The following HINT3 variants were observed in gnomAD, a reference collection of about 807,000 sequenced individuals.
HINT3 encodes the protein adenosine 5'-monophosphoramidase HINT3.
HINT3 carries 16 observed loss-of-function variants against 19.1 expected under a neutral mutation model. The observed-to-expected ratio is 0.84, with a 90% CI of 0.57 to 1.27. HINT3 has a LOEUF of 1.27. Ranked by LOEUF, HINT3 falls within the 50% of genes most tolerant of loss-of-function variation. HINT3 has a pLI of 0.00. For synonymous variants in HINT3, 75 were observed against 84.8 expected, an observed-to-expected ratio of 0.88 and a Z score of 0.63; for missense variants, 197 against 225.8, an observed-to-expected ratio of 0.87 and a Z score of 0.82.
chr6:125,967,108 G>A, intron 2 of HINT3, 104 bp downstream of exon 2: 1 of 646,146 alleles, frequency 1.5e-6, no homozygotes, highest in Non-Finnish European at 2.6e-6. Context: ...CTGTGAAAAA[G>A]GAGCATTATG....
intron 1 of HINT3, among the ~76,000 whole-genome samples, chr6:125,960,991 A>T (rs1316424277): frequency 3.3e-5 from 5 of 152,224 alleles, no homozygotes; most frequent in Admixed American, 2.6e-4. Context: ...AACTAATAGA[A>T]AATAGATACT....
At chr6:125,968,345 A>G (rs1192370349) in intron 2 of HINT3, among the ~76,000 whole-genome samples, 1 of 152,206 alleles carries the variant, frequency 6.6e-6, no homozygotes, top group East Asian at 1.9e-4. Context: ...AGATGACTTC[A>G]TTCTTTTTTA....
chr6:125,957,885 G>A (rs1318262596), intron 1 of HINT3, among the ~76,000 whole-genome samples: 1 of 152,138 alleles, frequency 6.6e-6, no homozygotes, highest in Non-Finnish European at 1.5e-5. Context: ...TGTGTCTTTT[G>A]TAGTAAACAT....
intron 3 of HINT3, among the ~76,000 whole-genome samples, chr6:125,974,138 G>A (rs80210510): frequency 0.024 from 3,673 of 152,244 alleles, 132 homozygotes; most frequent in African/African-American, 0.085. Flanking sequence ...TCTAGGCTTT[G>A]ATTATTGTTA....
At chr6:125,961,858 G>A (rs1290574890) in intron 1 of HINT3, among the ~76,000 whole-genome samples, 1 of 152,030 alleles carries the variant, frequency 6.6e-6, no homozygotes, top group Non-Finnish European at 1.5e-5. Flanking sequence ...GGGAAACCCA[G>A]CAAGGCCTGT....
chr6:125,972,823 C>T (rs1789127655), intron 3 of HINT3, among the ~76,000 whole-genome samples: 1 of 152,116 alleles, frequency 6.6e-6, no homozygotes, highest in Non-Finnish European at 1.5e-5. Flanking sequence ...CTCCTGGGCT[C>T]AAGTGATTCT....
intron 1 of HINT3, among the ~76,000 whole-genome samples, chr6:125,962,181 TATATAC>T (rs1788937308): frequency 3.6e-5 from 3 of 83,720 alleles, no homozygotes; most frequent in African/African-American, 2.1e-4. Flanking sequence ...TATATATATA[TATATAC>T]ACATATATAT....
In HINT3 at chr6:125,956,876, G is replaced by T. The variant is rs541182107; in HGVS notation, c.-102G>T. ...ATCACCGCCCAGCGTCAGGCGAGGG[G>T]CGACGTCTCGAGGTAAAACGGAGGA... On this transcript the variant is annotated 5_prime_UTR_variant, in exon 1 of 5. Coordinates refer to ENST00000229633, the MANE Select transcript of HINT3 (RefSeq NM_138571.5). 61 of 1,194,762 alleles carry T rather than the reference G, an allele frequency of 5.1e-5. No individual in the cohort carries two copies. The African/African-American group carries it at 8.8e-4, about 17-fold the overall frequency. 74.0% of individuals were successfully genotyped at this position (1,194,762 alleles called of 1,614,324 possible). A position where few individuals can be genotyped will look rare whatever the true frequency, so the allele number is the denominator to read the frequency against.
intron 3 of HINT3, among the ~76,000 whole-genome samples, chr6:125,974,470 A>G (rs1342826743): frequency 2.0e-5 from 3 of 152,234 alleles, no homozygotes; most frequent in Non-Finnish European, 2.9e-5. Context: ...AAGGAACACG[A>G]CTACTTGAGT....
At chr6:125,972,177 A>G in intron 2 of HINT3, 82 bp from the exon 3 acceptor site, 13 of 848,836 alleles carry the variant, frequency 1.5e-5, no homozygotes, top group South Asian at 1.3e-4. Flanking sequence ...TACCCATTTG[A>G]TAGGACAAGA....
In HINT3 at chr6:125,960,451, G is replaced by A. The variant is rs191971690; in HGVS notation, c.201+3273G>A. On this transcript the variant is annotated intron_variant, in intron 1 of 4. Coordinates refer to ENST00000229633, the MANE Select transcript of HINT3 (RefSeq NM_138571.5). The stretch of plus-strand genomic sequence containing the variant: ...AGGCAGGCGGATCACGAGGTCAGGA[G>A]TTCGAGACCAGCCTGGCCAATATGG... Among the ~76,000 whole-genome samples, 251 of 152,284 alleles carry A rather than the reference G, an allele frequency of 1.6e-3. 4 individuals carry two copies. In the East Asian group the frequency reaches 0.028, roughly 17 times the overall value.
At chr6:125,965,868 C>A (rs1414652525) in intron 1 of HINT3, among the ~76,000 whole-genome samples, 1 of 152,022 alleles carries the variant, frequency 6.6e-6, no homozygotes, top group Non-Finnish European at 1.5e-5. Context: ...GACAGAAAAA[C>A]CATAATAAAA....
At chr6:125,962,207 TATAC>T (rs1286486074) in intron 1 of HINT3, among the ~76,000 whole-genome samples, 1 of 25,000 alleles carries the variant, frequency 4.0e-5, no homozygotes, top group Admixed American at 4.9e-4. Context: ...TATATATATA[TATAC>T]ACATATATAT....
Position 125,974,906 on chromosome 6 carries a change from C to A in HINT3, c.449C>A (p.Ala150Glu), listed in dbSNP as rs1789159341. ...TCCCACTTGCACCTTCATGTTCTGG[C>A]ACCAGTGGATCAGCTTGGCTTCTTA... ...SISHLHLHVL[A>E]PVDQLGFLSK... The change falls in exon 4 of 5, where the codon GCA (alanine) becomes GAA (glutamate). Residue 150 changes from alanine to glutamate, a missense_variant. Transcript: ENST00000229633. 1 of 1,613,722 alleles carries A rather than the reference C, an allele frequency of 6.2e-7. No individual in the cohort carries two copies. Among genetic ancestry groups the A allele is most frequent in the African/African-American group, 1.3e-5 (1 of 74,916 alleles).
intron 1 of HINT3, among the ~76,000 whole-genome samples, chr6:125,965,892 A>G (rs913520299): frequency 2.0e-5 from 3 of 152,356 alleles, no homozygotes; most frequent in East Asian, 3.9e-4. Flanking sequence ...ATAGAAATGG[A>G]TTAAAATTGA....
chr6:125,973,065 C>T (rs899304608), intron 3 of HINT3, among the ~76,000 whole-genome samples: 25 of 74,474 alleles, frequency 3.4e-4, no homozygotes, highest in African/African-American at 8.0e-4. Flanking sequence ...AATTTTTCAA[C>T]TTTTTTTTTT....
At chr6:125,969,789 T>A (rs568485761) in intron 2 of HINT3, among the ~76,000 whole-genome samples, 1 of 152,242 alleles carries the variant, frequency 6.6e-6, no homozygotes, top group East Asian at 1.9e-4. Flanking sequence ...ACTGTCAGTT[T>A]GAGTGTTGTG....
chr6:125,962,303 TATATCACAC>T lies in HINT3; in HGVS notation c.202-4579_202-4571del, dbSNP rs1438633218. Among the ~76,000 whole-genome samples the T allele has an allele frequency of 2.5e-4, 9 of 35,558 alleles. 1 individual carries two copies. The highest frequency in any genetic ancestry group is 1.6e-3 in the African/African-American group (9 of 5,582). 23.3% of individuals were successfully genotyped at this position (35,558 alleles called of 152,430 possible). A position where few individuals can be genotyped will look rare whatever the true frequency, so the allele number is the denominator to read the frequency against. On this transcript the variant is annotated intron_variant, in intron 1 of 4. Coordinates refer to ENST00000229633, the MANE Select transcript of HINT3 (RefSeq NM_138571.5). Reference sequence around the variant, plus strand: ...ATATATATACACATATATATATATATATATCACACATATATATATATATATATCACACAC... The same window carrying T: ...ATATATATACACATATATATATATATATATATATATATATATATCACACAC...
chr6:125,978,376 G>A lies in HINT3; in HGVS notation c.*700G>A, dbSNP rs889888963. The A allele has an allele frequency of 2.0e-5, 3 of 151,996 alleles. No homozygotes were observed. Among genetic ancestry groups the A allele is most frequent in the Non-Finnish European group, 2.9e-5 (2 of 67,976 alleles). The allele number at this position is 151,996 out of a possible 1,614,324, so 9.4% of individuals were successfully genotyped here. A position where few individuals can be genotyped will look rare whatever the true frequency, so the allele number is the denominator to read the frequency against. The stretch of plus-strand genomic sequence containing the variant: ...GAATTTTGCCTCTAATAACATAAAG[G>A]GGGAAGAAACATAAAGTGGTTCTCT... On this transcript the variant is annotated 3_prime_UTR_variant, in exon 5 of 5. Transcript: ENST00000229633.
Sources: gnomAD v4.1 joint callset for allele counts (sites outside exome capture counted in the v4.1 genomes callset) on GRCh38, gnomAD v4.1.1 for gene constraint, MANE v1.5 for transcripts, NCBI Gene and HGNC (gene_info 2026-07-23, HGNC 2026-07-21) for gene names.